Variants in RNF32 observed in about 807,000 individuals in gnomAD.
RNF32 encodes the protein ring finger protein 32.
A neutral mutation model predicts 41.0 loss-of-function variants in RNF32; 36 were observed. The observed-to-expected ratio is 0.88, with a 90% CI of 0.67 to 1.16. RNF32 has a LOEUF of 1.16. Among genes scored for constraint, RNF32 ranks in the 50% most tolerant of loss-of-function variants. The pLI, the probability that RNF32 is intolerant of heterozygous loss-of-function variation, is 0.00. For missense variants in RNF32, 413 were observed against 436.7 expected, an observed-to-expected ratio of 0.95 and a Z score of 0.48; for synonymous variants, 154 against 160.9, an observed-to-expected ratio of 0.96 and a Z score of 0.32.
At chr7:156,646,443 C>A (rs1355862983) in intron 3 of RNF32, 1 of 1,303,562 alleles carries the variant, frequency 7.7e-7, no homozygotes, top group Admixed American at 2.3e-5. Flanking sequence ...TCCCTTTCCT[C>A]TTCTTATAAG....
chr7:156,666,301 C>T (rs1466193410), intron 7 of RNF32, among the ~76,000 whole-genome samples: 3 of 152,210 alleles, frequency 2.0e-5, no homozygotes, highest in Non-Finnish European at 4.4e-5. Context: ...TACTCCTCTA[C>T]TACAGGGAGA....
intron 7 of RNF32, chr7:156,658,787 A>C: frequency 1.0e-6 from 1 of 1,003,372 alleles, no homozygotes; most frequent in Admixed American, 2.5e-5. Context: ...TAGTTAAATC[A>C]TAAAATTAGG....
chr7:156,672,657 T>C (rs779743813), intron 7 of RNF32, among the ~76,000 whole-genome samples: 15 of 152,228 alleles, frequency 9.9e-5, no homozygotes, highest in Non-Finnish European at 2.1e-4. Context: ...GAGAGAGCGA[T>C]ACACTCACGT....
intron 3 of RNF32, chr7:156,646,380 C>T: frequency 1.5e-6 from 2 of 1,292,294 alleles, no homozygotes; most frequent in Non-Finnish European, 2.0e-6. Context: ...AGCGTCACTC[C>T]AATCTCTGCC....
chr7:156,647,374 A>G (rs116042733), intron 3 of RNF32, among the ~76,000 whole-genome samples: 2,813 of 151,956 alleles, frequency 0.019, 87 homozygotes, highest in African/African-American at 0.065. Context: ...TGAGTCTCCA[A>G]TGTCCATTAT....
intron 3 of RNF32, among the ~76,000 whole-genome samples, chr7:156,648,188 A>T (rs1798237439): frequency 6.6e-6 from 1 of 152,176 alleles, no homozygotes; most frequent in Admixed American, 6.5e-5. Context: ...TAGGCATGGA[A>T]AATAGGTTTG....
chr7:156,665,634 G>A (rs1219914868), intron 7 of RNF32, among the ~76,000 whole-genome samples: 1 of 152,036 alleles, frequency 6.6e-6, no homozygotes, highest in Admixed American at 6.5e-5. Flanking sequence ...ATCACATGAC[G>A]CACTCCAAAG....
At chr7:156,662,820 G>T (rs1388656213) in intron 7 of RNF32, among the ~76,000 whole-genome samples, 7 of 149,662 alleles carry the variant, frequency 4.7e-5, no homozygotes, top group Non-Finnish European at 1.0e-4. Flanking sequence ...TTACTGAAAA[G>T]ATATTAAATA....
chr7:156,664,788 A>G (rs1801124309), intron 7 of RNF32, among the ~76,000 whole-genome samples: 1 of 152,226 alleles, frequency 6.6e-6, no homozygotes, highest in South Asian at 2.1e-4. Context: ...CATCTAGCAT[A>G]ATAGTATACT....
intron 4 of RNF32, among the ~76,000 whole-genome samples, chr7:156,656,744 G>T (rs1799736301): frequency 6.6e-6 from 1 of 152,208 alleles, no homozygotes; most frequent in East Asian, 1.9e-4. Flanking sequence ...TTGACAAAAA[G>T]GGAAAACCCT....
At chr7:156,675,171 A>T (rs1803564461) in intron 7 of RNF32, among the ~76,000 whole-genome samples, 1 of 152,204 alleles carries the variant, frequency 6.6e-6, no homozygotes, top group Non-Finnish European at 1.5e-5. Flanking sequence ...AGAGACAGTA[A>T]CGCCTGAGCG....
At chr7:156,643,770 C>A in intron 1 of RNF32, 31 bp from the exon 2 acceptor site, 1 of 1,035,996 alleles carries the variant, frequency 9.7e-7, no homozygotes, top group Non-Finnish European at 1.5e-6. Context: ...TGCACTGTAA[C>A]TTTGACTTTC....
At chr7:156,676,138 AG>A in intron 8 of RNF32, 1 of 957,644 alleles carries the variant, frequency 1.0e-6, no homozygotes, top group Non-Finnish European at 1.5e-6. Context: ...GTGACGGCAA[AG>A]GTCCCTTCAG....
At chr7:156,640,666 G>A (rs1328424807), upstream of RNF32, 2 of 345,450 alleles carry the variant, frequency 5.8e-6, no homozygotes, top group African/African-American at 2.3e-5. Flanking sequence ...CGCAGTATGG[G>A]GCGGGGCGGG....
chr7:156,675,217 G>A lies in RNF32; in HGVS notation c.685-479G>A, dbSNP rs550560566. On this transcript the variant is annotated intron_variant, in intron 7 of 8. Transcript: ENST00000317955. Reference sequence around the variant, plus strand: ...TAGGTTGGATGAGGACACAGAGGTCGTGGGGAAGCATGACAGGACAAGGGG... The same window carrying A: ...TAGGTTGGATGAGGACACAGAGGTCATGGGGAAGCATGACAGGACAAGGGG... Among the ~76,000 whole-genome samples the A allele has an allele frequency of 5.9e-5, 9 of 152,326 alleles. No homozygotes were observed. The South Asian group carries it at 8.3e-4, about 14-fold the overall frequency.
chr7:156,643,363 AAAT>A (rs1797606849), intron 1 of RNF32, among the ~76,000 whole-genome samples: 1 of 152,092 alleles, frequency 6.6e-6, no homozygotes, highest in Non-Finnish European at 1.5e-5. Context: ...TTTCTCCCCA[AAAT>A]AAGCATATCA....
intron 3 of RNF32, among the ~76,000 whole-genome samples, chr7:156,651,514 A>C (rs542077236): frequency 4.5e-4 from 68 of 152,260 alleles, no homozygotes; most frequent in African/African-American, 1.6e-3. Flanking sequence ...ATGCCCAGCC[A>C]TATTTTTAAT....
intron 5 of RNF32, chr7:156,657,842 T>A: frequency 5.0e-6 from 3 of 598,320 alleles, no homozygotes; most frequent in Non-Finnish European, 8.9e-6. Flanking sequence ...ACATGATCGA[T>A]CTGCATGTGG....
In RNF32 at chr7:156,657,620, C is replaced by T. The variant is rs767434696; in HGVS notation, c.450+47C>T. ...GCCCAGGTGCTGCACATGTCGCTCT[C>T]ACAGTGCAGAGAAACCATAGTCATT... On this transcript the variant is annotated intron_variant, in intron 5 of 8. Transcript: ENST00000317955. The T allele has an allele frequency of 7.6e-6, 12 of 1,573,368 alleles. No individual in the cohort carries two copies. The South Asian group carries it at 1.1e-4, about 15-fold the overall frequency.
Sources: gnomAD v4.1 joint callset for allele counts (sites outside exome capture counted in the v4.1 genomes callset) on GRCh38, gnomAD v4.1.1 for gene constraint, MANE v1.5 for transcripts, NCBI Gene and HGNC (gene_info 2026-07-23, HGNC 2026-07-21) for gene names.